Variants in GNL2 observed in about 807,000 individuals in gnomAD.
The protein encoded by GNL2 is G protein nucleolar 2, also known as nucleolar GTP-binding protein 2.
GNL2 carries 51 observed loss-of-function variants against 92.3 expected under a neutral mutation model. The observed-to-expected ratio is 0.55, with a 90% CI of 0.44 to 0.70. The LOEUF (loss-of-function observed/expected upper bound fraction) is 0.70. Among genes scored for constraint, GNL2 ranks in the 30% least tolerant of loss-of-function variants. The probability of loss-of-function intolerance (pLI) is 0.00; values close to 1 mark genes in which losing one functional copy is unlikely to be tolerated. For missense variants in GNL2, 844 were observed against 895.6 expected (o/e 0.94, Z 0.74); for synonymous variants, 283 against 300.6 (o/e 0.94, Z 0.61).
chr1:37,567,073 C>T, intron 15 of GNL2, 66 bp from the exon 16 acceptor site: 2 of 1,507,224 alleles, frequency 1.3e-6, no homozygotes, highest in East Asian at 2.3e-5. Flanking sequence ...ATTCACAAAA[C>T]AGGAGTCTCT....
chr1:37,569,849 T>C (rs939384167), intron 12 of GNL2: 2 of 152,770 alleles, frequency 1.3e-5, no homozygotes, highest in African/African-American at 2.4e-5. Flanking sequence ...TGGGAGGTAA[T>C]TGAATTATGG....
chr1:37,568,216 T>C (rs747916550), intron 14 of GNL2, 59 bp downstream of exon 14: 7 of 1,074,152 alleles, frequency 6.5e-6, no homozygotes, highest in Non-Finnish European at 1.0e-5. Flanking sequence ...TGAACTTAGG[T>C]TTCTCAAAAC....
Position 37,595,918 on chromosome 1 carries a change from C to A in GNL2, c.-96G>T, listed in dbSNP as rs1643921372. On this transcript the variant is annotated 5_prime_UTR_variant, in exon 1 of 16. Transcript: ENST00000373062. ...GCCCGGCCGAAGACACCCGCCTGAA[C>A]CACGCCGGACCACGTGTGCACGACG... 2.2e-6 allele frequency: 2 copies of A among 923,914 alleles called. No individual in the cohort carries two copies. Among genetic ancestry groups the A allele is most frequent in the Non-Finnish European group, 3.5e-6 (2 of 566,586 alleles). 57.2% of individuals were successfully genotyped at this position (923,914 alleles called of 1,614,324 possible). A position where few individuals can be genotyped will look rare whatever the true frequency, so the allele number is the denominator to read the frequency against.
chr1:37,576,649 AG>A, intron 8 of GNL2, 93 bp from the exon 9 acceptor site: 1 of 1,259,168 alleles, frequency 7.9e-7, no homozygotes, highest in Non-Finnish European at 1.1e-6. Flanking sequence ...TCAAGAATAC[AG>A]TGCAAAACTG....
chr1:37,576,397 C>CAA (rs1208607305), intron 9 of GNL2, 31 bp downstream of exon 9: 1 of 1,598,532 alleles, frequency 6.3e-7, no homozygotes, highest in Admixed American at 1.7e-5. Flanking sequence ...AGAAAATATG[C>CAA]AAAAGTAAGG....
At chr1:37,585,498 T>C (rs1017140166) in intron 5 of GNL2, among the ~76,000 whole-genome samples, 2 of 152,178 alleles carry the variant, frequency 1.3e-5, no homozygotes, top group African/African-American at 4.8e-5. Flanking sequence ...ATAGCTCCCA[T>C]ATACAGCAGT....
chr1:37,579,645 C>G (rs562736361), intron 8 of GNL2, among the ~76,000 whole-genome samples: 1 of 151,848 alleles, frequency 6.6e-6, no homozygotes. Context: ...TGCCTGTAAT[C>G]CCAACACTTT....
Position 37,569,160 on chromosome 1 carries a change from G to C in GNL2, c.1559C>G (p.Thr520Arg). ...TEENSHCDAN[T>R]EMQQILTRVR... ...TCGTGTGAGAATCTGCTGCATCTCT[G>C]TGTTAGCATCACAGTGACTGTTCTC... Residue 520 changes from threonine (T) to arginine (R), a missense_variant, in exon 13 of 16, where the codon ACA becomes AGA. By Grantham distance (71) the Thr-to-Arg change is moderately conservative. Transcript: ENST00000373062. The C allele has an allele frequency of 6.2e-7, 1 of 1,614,146 alleles. No individual in the cohort carries two copies.
Position 37,595,873 on chromosome 1 carries a change from A to G in GNL2, c.-51T>C, listed in dbSNP as rs775040099. ...TGCGAGGTCCGGCTTACGTGGTGAA[A>G]CAAACTTTTATGTTCCCAAGCCCGG... On this transcript the variant is annotated 5_prime_UTR_variant, in exon 1 of 16. Transcript: ENST00000373062. 9.8e-6 allele frequency: 15 copies of G among 1,525,302 alleles called. No homozygotes were observed. In the South Asian group the frequency reaches 1.5e-4, roughly 15 times the overall value. 94.5% of individuals were successfully genotyped at this position (1,525,302 alleles called of 1,614,324 possible).
chr1:37,571,290 T>C (rs1190479819), intron 12 of GNL2, among the ~76,000 whole-genome samples: 1 of 152,230 alleles, frequency 6.6e-6, no homozygotes, highest in African/African-American at 2.4e-5. Flanking sequence ...ACTGACCATT[T>C]GCATCCCCAC....
intron 8 of GNL2, chr1:37,581,496 C>T (rs1317716774): frequency 4.4e-6 from 2 of 455,950 alleles, no homozygotes; most frequent in Non-Finnish European, 4.4e-6. Context: ...GCAGAGGATG[C>T]ACAGCAGGCC....
chr1:37,575,380 T>C lies in GNL2; in HGVS notation c.1143+215A>G, dbSNP rs116364919. Among the ~76,000 whole-genome samples the C allele has an allele frequency of 0.017, 2,570 of 152,276 alleles. 30 individuals are homozygous for C. The highest frequency in any genetic ancestry group is 0.028 in the Non-Finnish European group (1,896 of 68,020). ...TCCTGTGTGTAAACTACAAACTCTT[T>C]TGTGGGATGATATTGACCAGATATG... is the stretch of plus-strand genomic sequence containing the variant. On this transcript the variant is annotated intron_variant, in intron 10 of 15. Transcript: ENST00000373062. This position sits in a 1 kb window ranked among gnomAD's most constrained non-coding sequence, Gnocchi z 4.1.
Position 37,574,682 on chromosome 1 carries a change from T to C in GNL2, c.1285A>G (p.Thr429Ala), listed in dbSNP as rs1465174503. Reference protein sequence around the residue: ...EDFLEKLAFRTGKLLKGGEPD... With the variant: ...EDFLEKLAFRAGKLLKGGEPD... The stretch of plus-strand genomic sequence containing the variant: ...CGGGTCACCTTTAGTAACTTCCCAG[T>C]CCGGAAAGCGAGCTTCTCAAGAAAG... The change falls in exon 11 of 16, where the codon ACT becomes GCT. Residue 429 changes from threonine (T) to alanine (A), a missense_variant. Coordinates refer to ENST00000373062, the MANE Select transcript of GNL2 (RefSeq NM_013285.3). 1 of 1,613,844 alleles carries C rather than the reference T, an allele frequency of 6.2e-7. No individual in the cohort carries two copies. Among genetic ancestry groups the C allele is most frequent in the East Asian group, 2.2e-5 (1 of 44,880 alleles).
intron 8 of GNL2, among the ~76,000 whole-genome samples, chr1:37,577,776 T>C (rs1461511916): frequency 6.6e-6 from 1 of 152,182 alleles, no homozygotes; most frequent in Non-Finnish European, 1.5e-5. Flanking sequence ...GCAGCCACAC[T>C]TCTCCATCCC....
rs1466837217 is a variant in GNL2, at chr1:37,587,480, T to C, written c.400A>G (p.Ile134Val). 16 of 1,610,438 alleles carry C rather than the reference T, an allele frequency of 9.9e-6. No individual in the cohort carries two copies. In the Admixed American group the frequency reaches 2.5e-4, roughly 25 times the overall value. The change falls in exon 5 of 16, where the codon ATT (isoleucine) becomes GTT (valine). Residue 134 changes from isoleucine (I) to valine (V), a missense_variant. Ile to Val is a conservative substitution (Grantham distance 29). Transcript: ENST00000373062. ...RIRPHNLKVH[I>V]LDTESFETTF... ...GTTTCAAAACTTTCAGTATCAAGAA[T>C]GTGCACCTTCAAGTTCTGAAGAGAA...
rs991000048 is a variant in GNL2 at position 37,574,287 on chromosome 1, C to T, written c.1416+56G>A. On this transcript the variant is annotated intron_variant, in intron 12 of 15. Coordinates refer to ENST00000373062, the MANE Select transcript of GNL2 (RefSeq NM_013285.3). ...TATGAAGAGAGACAATCACAAGCTA[C>T]ACCAAATCTAGGTCAGGACCCATGC... The T allele has an allele frequency of 2.9e-6, 3 of 1,019,794 alleles. No homozygotes were observed. In the South Asian group the frequency reaches 3.9e-5, roughly 13 times the overall value. The allele number at this position is 1,019,794 out of a possible 1,614,324, so 63.2% of individuals were successfully genotyped here. A position where few individuals can be genotyped will look rare whatever the true frequency, so the allele number is the denominator to read the frequency against.
At chr1:37,569,382 A>T (rs563328101) in intron 12 of GNL2, 80 bp from the exon 13 acceptor site, 2 of 918,206 alleles carry the variant, frequency 2.2e-6, no homozygotes, top group East Asian at 5.1e-5. Context: ...TCTTGCTCTT[A>T]AACAGTCCTC....
chr1:37,568,488 A>G (rs1643542936), intron 13 of GNL2, 131 bp from the exon 14 acceptor site: 2 of 642,328 alleles, frequency 3.1e-6, no homozygotes, highest in East Asian at 5.4e-5. Flanking sequence ...CAGTGGAAGA[A>G]GTCAACATCC....
chr1:37,587,517 A>T, intron 4 of GNL2, 22 bp from the exon 5 acceptor site: 1 of 1,531,250 alleles, frequency 6.5e-7, no homozygotes, highest in Non-Finnish European at 8.9e-7. Flanking sequence ...GGAGAATAAC[A>T]GGTAAAACTA....
Sources: gnomAD v4.1 joint callset for allele counts (sites outside exome capture counted in the v4.1 genomes callset) on GRCh38, gnomAD v4.1.1 for gene constraint, Gnocchi (gnomAD v3.1) non-coding constraint, MANE v1.5 for transcripts, NCBI Gene and HGNC (gene_info 2026-07-23, HGNC 2026-07-21) for gene names.